SCAMP1: variants seen among roughly 807,000 people sequenced by gnomAD.
SCAMP1 encodes secretory carrier membrane protein 1.
Under a neutral mutation model 41.8 loss-of-function variants are expected in SCAMP1, and 15 were observed. The observed-to-expected ratio is 0.36, with a 90% CI of 0.24 to 0.55. The LOEUF is 0.55. SCAMP1 is among the 20% of genes least tolerant of loss of function. The probability of loss-of-function intolerance (pLI) is 0.86; values close to 1 mark genes in which losing one functional copy is unlikely to be tolerated. For synonymous variants in SCAMP1, 135 were observed against 136.8 expected, an observed-to-expected ratio of 0.99 and a Z score of 0.09; for missense variants, 341 against 412.6, an observed-to-expected ratio of 0.83 and a Z score of 1.50.
chr5:78,395,656 C>T (rs547775043), intron 2 of SCAMP1, among the ~76,000 whole-genome samples: 3 of 152,204 alleles, frequency 2.0e-5, no homozygotes, highest in South Asian at 2.1e-4. Context: ...TCCTGGTGGT[C>T]GTATGACTGA....
At chr5:78,386,642 G>C (rs887590730) in intron 1 of SCAMP1, among the ~76,000 whole-genome samples, 3 of 151,678 alleles carry the variant, frequency 2.0e-5, no homozygotes, top group Admixed American at 2.0e-4. Flanking sequence ...CATAGTTTTT[G>C]TAGTGCTGGC....
intron 6 of SCAMP1, among the ~76,000 whole-genome samples, chr5:78,448,776 A>G (rs12652875): frequency 0.76 from 116,084 of 152,064 alleles, 44,972 homozygotes; most frequent in African/African-American, 0.85. Flanking sequence ...CGAGGCGGGC[A>G]GATCACCTGA....
chr5:78,439,088 T>G lies in SCAMP1; in HGVS notation c.633-10845T>G, dbSNP rs180743550. 2.0e-3 allele frequency among the ~76,000 whole-genome samples: 306 copies of G among 152,330 alleles called. 1 individual carries two copies. The highest frequency in any genetic ancestry group is 6.8e-3 in the African/African-American group (284 of 41,574). On this transcript the variant is annotated intron_variant, in intron 6 of 8. Transcript: ENST00000621999. ...CTTGGTAGATCTTCCTCCATCCCTT[T>G]ATTTTGAGCCTATGTGTGTCTCTGC...
intron 6 of SCAMP1, among the ~76,000 whole-genome samples, chr5:78,427,658 G>A (rs1294032832): frequency 6.6e-6 from 1 of 152,026 alleles, no homozygotes; most frequent in African/African-American, 2.4e-5. Context: ...ATTCCCATCA[G>A]CAACGTCTGA....
At chr5:78,453,410 C>T (rs962852753) in intron 7 of SCAMP1, among the ~76,000 whole-genome samples, 2 of 151,476 alleles carry the variant, frequency 1.3e-5, no homozygotes, top group Admixed American at 6.6e-5. Flanking sequence ...ATATGGCTAG[C>T]CAGTTTTCCC....
intron 6 of SCAMP1, among the ~76,000 whole-genome samples, chr5:78,437,691 T>G (rs1414228455): frequency 6.6e-6 from 1 of 152,230 alleles, no homozygotes; most frequent in East Asian, 1.9e-4. Context: ...TGTGTGTATC[T>G]CTGCCAGGCT....
intron 1 of SCAMP1, among the ~76,000 whole-genome samples, chr5:78,369,752 G>A (rs1750897513): frequency 6.6e-6 from 1 of 152,164 alleles, no homozygotes; most frequent in Admixed American, 6.5e-5. Context: ...ATTGGATATT[G>A]GAATTAAGTA....
intron 2 of SCAMP1, among the ~76,000 whole-genome samples, chr5:78,410,679 G>T (rs770030939): frequency 8.5e-5 from 13 of 152,116 alleles, no homozygotes; most frequent in Non-Finnish European, 1.3e-4. Context: ...GGATTGCTGG[G>T]TCAAATCGTA....
chr5:78,401,573 G>A (rs1439490053), intron 2 of SCAMP1, among the ~76,000 whole-genome samples: 2 of 152,054 alleles, frequency 1.3e-5, no homozygotes, highest in East Asian at 1.9e-4. Context: ...TGCATTTTCC[G>A]AGGCATTGGT....
rs3058233 is a variant in SCAMP1, at chr5:78,404,453, G to GTTTTTT, written c.136-11052_136-11047dup. 8.3e-3 allele frequency among the ~76,000 whole-genome samples: 813 copies of GTTTTTT among 98,138 alleles called. 79 individuals carry two copies. Among genetic ancestry groups the GTTTTTT allele is most frequent in the Middle Eastern group, 0.035 (6 of 170 alleles). 64.4% of individuals were successfully genotyped at this position (98,138 alleles called of 152,430 possible). On this transcript the variant is annotated intron_variant, in intron 2 of 8. Transcript: ENST00000621999. ...TGAGCCACTGTGCCCAGCCTTACAGGTTTTTTTTTTTTTTTTTTTTGCTAG... is the reference window on the plus strand; with the variant it reads ...TGAGCCACTGTGCCCAGCCTTACAGGTTTTTTTTTTTTTTTTTTTTTTTTTTGCTAG...
At chr5:78,389,837 G>C (rs1439467163) in intron 2 of SCAMP1, among the ~76,000 whole-genome samples, 1 of 152,022 alleles carries the variant, frequency 6.6e-6, no homozygotes, top group African/African-American at 2.4e-5. Flanking sequence ...TCCTGTATTT[G>C]GGTCTGCCTC....
At chr5:78,415,454 A>G in intron 2 of SCAMP1, 66 bp from the exon 3 acceptor site, 1 of 938,156 alleles carries the variant, frequency 1.1e-6, no homozygotes. Flanking sequence ...TTGGTGTTAT[A>G]CTTTTTGAAA....
intron 8 of SCAMP1, among the ~76,000 whole-genome samples, chr5:78,473,146 G>C (rs1216683969): frequency 6.6e-6 from 1 of 151,994 alleles, no homozygotes; most frequent in Non-Finnish European, 1.5e-5. Flanking sequence ...CTAGGGGAAA[G>C]GAATCTTTGG....
intron 2 of SCAMP1, among the ~76,000 whole-genome samples, chr5:78,414,812 T>G (rs77178211): frequency 0.02 from 3,023 of 152,148 alleles, 114 homozygotes; most frequent in African/African-American, 0.068. Context: ...TCTTTTAAAT[T>G]TAGTGGGGTT....
chr5:78,438,530 G>A (rs1320227050), intron 6 of SCAMP1, among the ~76,000 whole-genome samples: 4 of 152,182 alleles, frequency 2.6e-5, no homozygotes, highest in Non-Finnish European at 5.9e-5. Context: ...GGTTTTGAGT[G>A]AGATTCTTAA....
intron 7 of SCAMP1, among the ~76,000 whole-genome samples, chr5:78,451,934 C>T (rs567152195): frequency 5.9e-5 from 9 of 152,322 alleles, no homozygotes; most frequent in Middle Eastern, 3.4e-3. Context: ...GGATTACAAG[C>T]GTGAGCTACC....
rs1180496643 is a variant in SCAMP1 at position 78,478,351 on chromosome 5, T to C, written c.*2683T>C. The C allele has an allele frequency of 6.6e-6, 1 of 152,630 alleles. No homozygotes were observed. Among genetic ancestry groups the C allele is most frequent in the Non-Finnish European group, 1.5e-5 (1 of 68,002 alleles). 9.5% of individuals were successfully genotyped at this position (152,630 alleles called of 1,614,324 possible). A position where few individuals can be genotyped will look rare whatever the true frequency, so the allele number is the denominator to read the frequency against. ...CAGACATTGTTAAAGGTTTGATGTA[T>C]ATAGAAATTCCATGTTTGATTTTTT... is the stretch of plus-strand genomic sequence containing the variant. On this transcript the variant is annotated 3_prime_UTR_variant, in exon 9 of 9. Transcript: ENST00000621999.
chr5:78,451,058 C>T (rs1189178261), intron 7 of SCAMP1, among the ~76,000 whole-genome samples: 2 of 151,992 alleles, frequency 1.3e-5, no homozygotes, highest in African/African-American at 4.8e-5. Flanking sequence ...TTTAACAGCA[C>T]GAGGTTTTTT....
In SCAMP1 at chr5:78,480,139, A is replaced by C. The variant is rs1754107502; in HGVS notation, c.*4471A>C. 6.6e-6 allele frequency among the ~76,000 whole-genome samples: 1 copy of C among 152,164 alleles called. No homozygotes were observed. The highest frequency in any genetic ancestry group is 1.5e-5 in the Non-Finnish European group (1 of 68,018). On this transcript the variant is annotated 3_prime_UTR_variant, in exon 9 of 9. Coordinates refer to ENST00000621999, the MANE Select transcript of SCAMP1 (RefSeq NM_004866.6). ...TCATGTGGCAATGTAGTGAGTGTTA[A>C]ACTTTGTGTTTGTCCAAATCCTGAT...
Sources: allele counts gnomAD v4.1 joint callset (sites outside exome capture counted in the v4.1 genomes callset), GRCh38; gene constraint gnomAD v4.1.1; transcripts MANE v1.5; gene names NCBI Gene and HGNC (gene_info 2026-07-23, HGNC 2026-07-21).